The following ZNF557 variants were observed in gnomAD, a reference collection of about 807,000 sequenced individuals.
ZNF557 encodes the protein CTB-25J19.9.
Under a neutral mutation model 21.2 loss-of-function variants are expected in ZNF557, and 19 were observed. The observed-to-expected ratio is 0.90, with a 90% confidence interval of 0.63 to 1.32. The LOEUF is 1.32. ZNF557 is among the 40% of genes most tolerant of loss of function. The probability of loss-of-function intolerance (pLI) is 0.00; values close to 1 mark genes in which losing one functional copy is unlikely to be tolerated. For missense variants in ZNF557, 487 were observed against 519.8 expected, an observed-to-expected ratio of 0.94 and a Z score of 0.61; for synonymous variants, 207 against 194.8, an observed-to-expected ratio of 1.06 and a Z score of -0.52.
chr19:7,075,772 A>G (rs1977576229), intron 4 of ZNF557, 29 bp downstream of exon 4: 2 of 1,609,188 alleles, frequency 1.2e-6, no homozygotes, highest in Non-Finnish European at 1.7e-6. Flanking sequence ...TTTCCAAATC[A>G]TGATTCCTTC....
At position 7,084,024 on chromosome 19, in the gene ZNF557, C is replaced by T. The variant is rs1977780483; in HGVS notation, c.*280C>T. The T allele has an allele frequency of 5.6e-6, 2 of 355,250 alleles. No homozygotes were observed. The highest frequency in any genetic ancestry group is 9.2e-5 in the Admixed American group (2 of 21,774). The allele number at this position is 355,250 out of a possible 1,614,324, so 22.0% of individuals were successfully genotyped here. ...TTGTTACTGGTGAAGGGACCACTTC[C>T]AAATGGCTTACAAGCCCGACAAGTG... On this transcript the variant is annotated 3_prime_UTR_variant, in exon 8 of 8. Coordinates refer to ENST00000252840, the MANE Select transcript of ZNF557 (RefSeq NM_024341.3).
chr19:7,083,110 G>A lies in ZNF557; in HGVS notation c.659G>A (p.Arg220Lys), dbSNP rs138279253. Residue 220 changes from arginine (R) to lysine (K), a missense_variant, in exon 8 of 8, where the codon AGA becomes AAA. Coordinates refer to ENST00000252840, the MANE Select transcript of ZNF557 (RefSeq NM_024341.3). The part of the protein sequence containing the change: ...CNDCGKTFSS[R>K]SYLTVHKRIH... ...GACTGTGGGAAAACCTTCAGCAGCAGATCTTACCTTACTGTTCATAAGAGA... is the reference window on the plus strand; with the variant it reads ...GACTGTGGGAAAACCTTCAGCAGCAAATCTTACCTTACTGTTCATAAGAGA... The A allele has an allele frequency of 1.1e-4, 183 of 1,614,058 alleles. 1 individual carries two copies. The African/African-American group carries it at 2.1e-3, about 18-fold the overall frequency.
intron 2 of ZNF557, among the ~76,000 whole-genome samples, chr19:7,072,547 C>T (rs1423782081): frequency 6.6e-6 from 1 of 152,198 alleles, no homozygotes; most frequent in African/African-American, 2.4e-5. Flanking sequence ...CAAAATACAA[C>T]CTTTCCCGTG....
At chr19:7,079,401 C>A (rs1468753766) in intron 5 of ZNF557, among the ~76,000 whole-genome samples, 2 of 139,694 alleles carry the variant, frequency 1.4e-5, no homozygotes, top group Admixed American at 1.5e-4. Flanking sequence ...ACCACCACGC[C>A]TCGCTAATTT....
intron 1 of ZNF557, among the ~76,000 whole-genome samples, 180 bp from the exon 2 acceptor site, chr19:7,070,382 G>A (rs1282165608): frequency 6.6e-6 from 1 of 152,122 alleles, no homozygotes; most frequent in Admixed American, 6.5e-5. Context: ...ATAGGAATCT[G>A]GTGAATTCAG....
intron 7 of ZNF557, 35 bp downstream of exon 7, chr19:7,082,087 A>G (rs1311908945): frequency 6.5e-7 from 1 of 1,532,074 alleles, no homozygotes; most frequent in Non-Finnish European, 9.0e-7. Flanking sequence ...GGTTTTTTTC[A>G]TGGTAGAATG....
Position 7,085,180 on chromosome 19 carries a change from C to T in ZNF557, c.*1436C>T, listed in dbSNP as rs1383885896. The T allele has an allele frequency of 6.6e-6, 1 of 152,072 alleles. No individual in the cohort carries two copies. The highest frequency in any genetic ancestry group is 2.4e-5 in the African/African-American group (1 of 41,416). 9.4% of individuals were successfully genotyped at this position (152,072 alleles called of 1,614,324 possible). ...ACTCAGTGTAAGATAACAATTTATA[C>T]AATTTATTTTTTGAGACAGGGTTTC... is the stretch of plus-strand genomic sequence containing the variant. On this transcript the variant is annotated 3_prime_UTR_variant, in exon 8 of 8. Coordinates refer to ENST00000252840, the MANE Select transcript of ZNF557 (RefSeq NM_024341.3).
chr19:7,070,703 A>G (rs1977440120), intron 2 of ZNF557, 50 bp downstream of exon 2: 1 of 151,818 alleles, frequency 6.6e-6, no homozygotes, highest in African/African-American at 2.4e-5. Flanking sequence ...TGTGTAGAAA[A>G]CCTGTGAATG....
chr19:7,075,024 A>G lies in ZNF557; in HGVS notation c.-51A>G, dbSNP rs571271273. 1.2e-6 allele frequency: 2 copies of G among 1,613,732 alleles called. No homozygotes were observed. Among genetic ancestry groups the G allele is most frequent in the Non-Finnish European group, 1.7e-6 (2 of 1,179,902 alleles). On this transcript the variant is annotated 5_prime_UTR_variant, in exon 3 of 8. Transcript: ENST00000252840. ...GCTGTCCTGAGAGCGCTGCGGGATA[A>G]AGGAGGAGCGTCCTGCTTCCCGGCT...
intron 4 of ZNF557, 133 bp downstream of exon 4, chr19:7,075,876 C>G (rs989415450): frequency 6.8e-7 from 1 of 1,474,076 alleles, no homozygotes. Context: ...GTGAGGGCTG[C>G]CCAGAAAATG....
intron 5 of ZNF557, among the ~76,000 whole-genome samples, chr19:7,079,380 T>C (rs573564486): frequency 1.3e-5 from 2 of 151,570 alleles, no homozygotes; most frequent in East Asian, 2.0e-4. Context: ...TAGCTGGGAC[T>C]ACAGGCGCCC....
chr19:7,077,104 A>ACTTTT (rs1168495984), intron 5 of ZNF557, among the ~76,000 whole-genome samples: 4 of 124,808 alleles, frequency 3.2e-5, no homozygotes, highest in Non-Finnish European at 6.8e-5. Context: ...TTTGTGTCTC[A>ACTTTT]CTTTTTGCTT....
In ZNF557 at chr19:7,083,296, A is replaced by G. The variant is rs1158794068; in HGVS notation, c.845A>G (p.His282Arg). Residue 282 changes from histidine (H) to arginine (R), a missense_variant, in exon 8 of 8, where the codon CAC becomes CGC. Physicochemically the swap from His to Arg is conservative, Grantham distance 29. Coordinates refer to ENST00000252840, the MANE Select transcript of ZNF557 (RefSeq NM_024341.3). The stretch of plus-strand genomic sequence containing the variant: ...CGCACTCAGTCAATCTTCACAAGGC[A>G]CAAGAGAGTTCATACGGGGGAGGGT... ...EFRTQSIFTRHKRVHTGEGHY... is the reference protein window; with the variant it reads ...EFRTQSIFTRRKRVHTGEGHY... The G allele has an allele frequency of 6.2e-7, 1 of 1,614,240 alleles. No individual in the cohort carries two copies. The highest frequency in any genetic ancestry group is 8.5e-7 in the Non-Finnish European group (1 of 1,180,038).
rs778003369 is a variant in ZNF557, at chr19:7,081,350, C to T, written c.248-10C>T. The T allele has an allele frequency of 6.9e-6, 11 of 1,602,282 alleles. No homozygotes were observed. The highest frequency in any genetic ancestry group is 8.5e-7 in the Non-Finnish European group (1 of 1,169,648). The stretch of plus-strand genomic sequence containing the variant: ...TCCCCCTACATCATGTGTCTTTTCT[C>T]CATGTACAGGGAACCAAGTTGATAA... On this transcript the variant is annotated splice_polypyrimidine_tract_variant and intron_variant, in intron 5 of 7. Transcript: ENST00000252840.
Position 7,075,685 on chromosome 19 carries a change from GAGA to G in ZNF557, c.65_67del (p.Glu22del), listed in dbSNP as rs202050084. 1,497 of 1,613,684 alleles carry G rather than the reference GAGA, an allele frequency of 9.3e-4. 23 individuals carry two copies. The East Asian group carries it at 0.029, about 31-fold the overall frequency. ...TCTTCCCTGTTCCCAGCCTCTCAGC[GAGA>G]AGGACACACAGAGGGCGGAGAGCTG... On this transcript the variant is annotated inframe_deletion, in exon 4 of 8. Transcript: ENST00000252840.
chr19:7,071,977 G>A (rs1449100519), intron 2 of ZNF557, among the ~76,000 whole-genome samples: 4 of 151,176 alleles, frequency 2.6e-5, no homozygotes, highest in Admixed American at 1.3e-4. Context: ...TTACCCGGGC[G>A]TGGTGGCAGG....
Position 7,075,052 on chromosome 19 carries a change from C to T in ZNF557, c.-23C>T. On this transcript the variant is annotated 5_prime_UTR_variant, in exon 3 of 8. Transcript: ENST00000252840. Reference sequence around the variant, plus strand: ...GAGGAGCGTCCTGCTTCCCGGCTGCCCTGTTGCTGTCGGAGTCACAGGATG... The same window carrying T: ...GAGGAGCGTCCTGCTTCCCGGCTGCTCTGTTGCTGTCGGAGTCACAGGATG... 6.2e-7 allele frequency: 1 copy of T among 1,614,048 alleles called. No individual in the cohort carries two copies. The highest frequency in any genetic ancestry group is 8.5e-7 in the Non-Finnish European group (1 of 1,179,998).
rs762038538 is a variant in ZNF557 at position 7,082,934 on chromosome 19, C to T, written c.483C>T (p.Phe161=). Residue 161 remains phenylalanine, a synonymous_variant, in exon 8 of 8, where the codon TTC becomes TTT. Coordinates refer to ENST00000252840, the MANE Select transcript of ZNF557 (RefSeq NM_024341.3). The stretch of plus-strand genomic sequence containing the variant: ...AATGTAATCAGTGTTTTAAAGTCTT[C>T]AGCACAAAATCTTCCCTTACACGGC... ...LNECNQCFKV[F]STKSSLTRHR... is the part of the protein sequence containing the mutation. The T allele has an allele frequency of 6.2e-7, 1 of 1,611,826 alleles. No homozygotes were observed. Among genetic ancestry groups the T allele is most frequent in the Non-Finnish European group, 8.5e-7 (1 of 1,178,862 alleles).
In ZNF557 at chr19:7,084,954, CAG is replaced by C. The variant is rs977029971; in HGVS notation, c.*1213_*1214del. The C allele has an allele frequency of 2.0e-5, 3 of 152,086 alleles. No individual in the cohort carries two copies. Among genetic ancestry groups the C allele is most frequent in the African/African-American group, 4.8e-5 (2 of 41,408 alleles). The allele number at this position is 152,086 out of a possible 1,614,324, so 9.4% of individuals were successfully genotyped here. A position where few individuals can be genotyped will look rare whatever the true frequency, so the allele number is the denominator to read the frequency against. On this transcript the variant is annotated 3_prime_UTR_variant, in exon 8 of 8. Coordinates refer to ENST00000252840, the MANE Select transcript of ZNF557 (RefSeq NM_024341.3). ...AAGTCACATTTCGGAGATCATACAA[CAG>C]AGGAATATGTTGAGTATACACAGTG...
Sources: gnomAD v4.1 joint callset for allele counts (sites outside exome capture counted in the v4.1 genomes callset) on GRCh38, gnomAD v4.1.1 for gene constraint, MANE v1.5 for transcripts, NCBI Gene and HGNC (gene_info 2026-07-23, HGNC 2026-07-21) for gene names.